BBX: variants seen among roughly 807,000 people sequenced by gnomAD.
The protein encoded by BBX is BBX high mobility group box domain containing, also known as HMG box transcription factor BBX.
Under a neutral mutation model 100.2 loss-of-function variants are expected in BBX, and 30 were observed. That is an observed-to-expected ratio of 0.30 (90% confidence interval 0.22 to 0.41). The LOEUF is 0.41. Among genes scored for constraint, BBX ranks in the 10% least tolerant of loss-of-function variants. The probability of loss-of-function intolerance (pLI) is 1.00; values close to 1 mark genes in which losing one functional copy is unlikely to be tolerated. For missense variants in BBX, 1,023 were observed against 1,129.8 expected (o/e 0.91, Z 1.35); for synonymous variants, 376 against 388.1 (o/e 0.97, Z 0.37).
intron 8 of BBX, among the ~76,000 whole-genome samples, chr3:107,745,557 G>T (rs945354027): frequency 6.6e-6 from 1 of 152,018 alleles, no homozygotes; most frequent in Non-Finnish European, 1.5e-5. Context: ...AAACTCCTGG[G>T]CTCAAGGGAT....
intron 2 of BBX, among the ~76,000 whole-genome samples, chr3:107,603,342 A>G (rs1158673387): frequency 6.6e-6 from 1 of 152,038 alleles, no homozygotes; most frequent in Non-Finnish European, 1.5e-5. Flanking sequence ...TGTGAAAGGA[A>G]GAGTCAATGC....
chr3:107,805,409 A>G lies in BBX; in HGVS notation c.2778A>G (p.Pro926=), dbSNP rs1228344947. ...CTCCGCTCACCCATGATGGACAGCC[A>G]AAAGAAATGCCGCAGGCTCCTGTAC... The part of the protein sequence containing the change: ...RSTPLTHDGQ[P]KEMPQAPVLI... Residue 926 remains proline (P), a synonymous_variant, in exon 18 of 18, where the codon CCA becomes CCG. Transcript: ENST00000325805. The G allele has an allele frequency of 1.2e-6, 2 of 1,614,112 alleles. No homozygotes were observed. The highest frequency in any genetic ancestry group is 1.1e-5 in the South Asian group (1 of 91,070).
intron 2 of BBX, among the ~76,000 whole-genome samples, chr3:107,638,736 C>T (rs534670128): frequency 8.5e-4 from 104 of 121,996 alleles, no homozygotes; most frequent in African/African-American, 2.7e-3. Flanking sequence ...GCCTGGGTAA[C>T]GTGGAGAAAC....
intron 2 of BBX, among the ~76,000 whole-genome samples, chr3:107,557,806 T>C (rs1461924593): frequency 6.6e-6 from 1 of 152,200 alleles, no homozygotes; most frequent in Non-Finnish European, 1.5e-5. Context: ...TAGATTGATT[T>C]CAGTTGTTAG....
intron 10 of BBX, among the ~76,000 whole-genome samples, chr3:107,771,871 G>T (rs1469984144): frequency 6.6e-6 from 1 of 151,724 alleles, no homozygotes; most frequent in East Asian, 1.9e-4. Flanking sequence ...CATTTCCCCT[G>T]GAAAAAAAGA....
chr3:107,752,574 C>A (rs1263362332), intron 9 of BBX, among the ~76,000 whole-genome samples: 1 of 152,216 alleles, frequency 6.6e-6, no homozygotes, highest in African/African-American at 2.4e-5. Context: ...TGCTCACCCA[C>A]CTCAGACAGC....
intron 2 of BBX, among the ~76,000 whole-genome samples, chr3:107,624,314 G>A (rs914497773): frequency 3.3e-5 from 5 of 151,976 alleles, no homozygotes; most frequent in Admixed American, 6.6e-5. Flanking sequence ...CACTTTCTTT[G>A]CTGTGCTCAT....
intron 8 of BBX, among the ~76,000 whole-genome samples, chr3:107,745,168 T>G (rs750655629): frequency 6.6e-6 from 1 of 152,218 alleles, no homozygotes; most frequent in African/African-American, 2.4e-5. Context: ...TTTCAAAGTC[T>G]TCTTTTGTCA....
chr3:107,710,572 G>T lies in BBX; in HGVS notation c.112G>T (p.Asp38Tyr). The T allele has an allele frequency of 6.2e-7, 1 of 1,613,714 alleles. No individual in the cohort carries two copies. Among genetic ancestry groups the T allele is most frequent in the Non-Finnish European group, 8.5e-7 (1 of 1,179,872 alleles). ...TCCATTGCTAGCAAAGAAACTTCTT[G>T]ATTTTTCAGAAGAGGAAGAAGAGGA... ...WHPLLAKKLLDFSEEEEEEDE... is the reference protein window; with the variant it reads ...WHPLLAKKLLYFSEEEEEEDE... Residue 38 changes from aspartate (D) to tyrosine (Y), a missense_variant, in exon 4 of 18, where the codon GAT becomes TAT. Physicochemically the swap from Asp to Tyr is radical, Grantham distance 160. Transcript: ENST00000325805.
chr3:107,737,884 G>GTTTTTTTTTTGTT, intron 7 of BBX, among the ~76,000 whole-genome samples: 1 of 48,886 alleles, frequency 2.0e-5, no homozygotes, highest in Non-Finnish European at 3.4e-5. Context: ...CAGAGTTCCA[G>GTTTTTTTTTTGTT]TTTTTTTTTT....
intron 3 of BBX, among the ~76,000 whole-genome samples, chr3:107,688,117 G>T (rs2059952095): frequency 6.6e-6 from 1 of 152,136 alleles, no homozygotes; most frequent in Admixed American, 6.6e-5. Context: ...TCTGTTCCCA[G>T]ATTATCTTTG....
intron 13 of BBX, among the ~76,000 whole-genome samples, chr3:107,779,020 T>TATATATATATATACACACAC (rs1449263925): frequency 1.0e-5 from 1 of 95,814 alleles, no homozygotes; most frequent in African/African-American, 4.1e-5. Flanking sequence ...TATATATATA[T>TATATATATATATACACACAC]ACACACACAC....
intron 3 of BBX, among the ~76,000 whole-genome samples, chr3:107,656,753 T>TGTGC (rs1348818762): frequency 1.3e-5 from 2 of 152,220 alleles, no homozygotes; most frequent in Non-Finnish European, 2.9e-5. Flanking sequence ...CTAATTATCA[T>TGTGC]GTGCAAGGCA....
At chr3:107,792,887 T>A (rs527585932) in intron 15 of BBX, among the ~76,000 whole-genome samples, 11 of 152,316 alleles carry the variant, frequency 7.2e-5, no homozygotes, top group African/African-American at 2.6e-4. Flanking sequence ...GTTCTGTTTT[T>A]TTAAACACTG....
chr3:107,643,849 T>G (rs1415583576), intron 2 of BBX, among the ~76,000 whole-genome samples: 3 of 152,168 alleles, frequency 2.0e-5, no homozygotes, highest in African/African-American at 7.2e-5. Flanking sequence ...TGTTTCTGTT[T>G]GGCTGTCAGA....
intron 2 of BBX, among the ~76,000 whole-genome samples, chr3:107,614,186 A>G (rs1482851577): frequency 6.6e-6 from 1 of 152,016 alleles, no homozygotes; most frequent in East Asian, 1.9e-4. Flanking sequence ...TCTTGACATC[A>G]TGGTCCGCCT....
At chr3:107,708,283 T>C (rs941400011) in intron 3 of BBX, among the ~76,000 whole-genome samples, 1 of 152,218 alleles carries the variant, frequency 6.6e-6, no homozygotes, top group African/African-American at 2.4e-5. Context: ...AGTCATGTAA[T>C]TGCTTCAGAT....
chr3:107,759,761 T>G (rs1026446155), intron 10 of BBX, among the ~76,000 whole-genome samples: 3 of 152,174 alleles, frequency 2.0e-5, no homozygotes, highest in African/African-American at 7.2e-5. Flanking sequence ...GTAAACCTTC[T>G]TCTAAGATCG....
chr3:107,561,724 A>G (rs537838851), intron 2 of BBX, among the ~76,000 whole-genome samples: 1 of 152,314 alleles, frequency 6.6e-6, no homozygotes, highest in African/African-American at 2.4e-5. Context: ...AAATGGATGA[A>G]GAAGAATCAG....
Sources: gnomAD v4.1 joint callset for allele counts (sites outside exome capture counted in the v4.1 genomes callset) on GRCh38, gnomAD v4.1.1 for gene constraint, MANE v1.5 for transcripts, NCBI Gene and HGNC (gene_info 2026-07-23, HGNC 2026-07-21) for gene names.